Variants in ITGAV observed in about 807,000 individuals in gnomAD.
ITGAV encodes the protein integrin alpha-V.
Under a neutral mutation model 143.8 loss-of-function variants are expected in ITGAV, and 76 were observed. The ratio of observed to expected loss-of-function variants is 0.53; its 90% CI spans 0.44 to 0.64. The LOEUF is 0.64. Among genes scored for constraint, ITGAV ranks in the 30% least tolerant of loss-of-function variants. The pLI, the probability that ITGAV is intolerant of heterozygous loss-of-function variation, is 0.00. For synonymous variants in ITGAV, 453 were observed against 446.7 expected, an observed-to-expected ratio of 1.01 and a Z score of -0.18; for missense variants, 1,193 against 1,274.7, an observed-to-expected ratio of 0.94 and a Z score of 0.98.
At chr2:186,664,419 T>G (rs1688829820) in intron 19 of ITGAV, 75 bp from the exon 20 acceptor site, 1 of 1,408,742 alleles carries the variant, frequency 7.1e-7, no homozygotes, top group Non-Finnish European at 9.8e-7. Context: ...TATTTATCTC[T>G]TCTTTCTTTG....
At position 186,677,586 on chromosome 2, in the gene ITGAV, A is replaced by G. The variant is rs555009023; in HGVS notation, c.*294A>G. On this transcript the variant is annotated 3_prime_UTR_variant, in exon 30 of 30. Coordinates refer to ENST00000261023, the MANE Select transcript of ITGAV (RefSeq NM_002210.5). ...GGTAGTGCCTGATTTACTACTTTAT[A>G]TAAAATAGTACCTCCTTCAGTTACT... 8.8e-6 allele frequency: 2 copies of G among 227,546 alleles called. No individual in the cohort carries two copies. Among genetic ancestry groups the G allele is most frequent in the South Asian group, 8.4e-5 (1 of 11,910 alleles). The allele number at this position is 227,546 out of a possible 1,614,324, so 14.1% of individuals were successfully genotyped here.
At chr2:186,611,677 T>A (rs1687220744) in intron 2 of ITGAV, among the ~76,000 whole-genome samples, 1 of 152,214 alleles carries the variant, frequency 6.6e-6, no homozygotes, top group Non-Finnish European at 1.5e-5. Flanking sequence ...CTGATACTTA[T>A]TAACTGTGAC....
intron 18 of ITGAV, 75 bp from the exon 19 acceptor site, chr2:186,663,693 T>C: frequency 9.9e-7 from 1 of 1,005,872 alleles, no homozygotes; most frequent in Non-Finnish European, 1.6e-6. Flanking sequence ...CTTAACCACA[T>C]AGATATTGAT....
intron 28 of ITGAV, chr2:186,676,262 A>C (rs562041989): frequency 1.5e-5 from 3 of 206,578 alleles, no homozygotes; most frequent in Admixed American, 1.1e-4. Flanking sequence ...ATATTTAAGG[A>C]GTAAAAATGG....
At chr2:186,619,040 G>A (rs1370504495) in intron 2 of ITGAV, among the ~76,000 whole-genome samples, 1 of 150,566 alleles carries the variant, frequency 6.6e-6, no homozygotes, top group East Asian at 1.9e-4. Flanking sequence ...AAGAAAACAT[G>A]GTGTGTGTAT....
chr2:186,631,897 T>C (rs982985452), intron 5 of ITGAV, among the ~76,000 whole-genome samples: 1 of 152,052 alleles, frequency 6.6e-6, no homozygotes, highest in South Asian at 2.1e-4. Context: ...ATGGGTGACA[T>C]GTGCTTGTGG....
At chr2:186,595,938 T>C (rs1686738972) in intron 1 of ITGAV, among the ~76,000 whole-genome samples, 1 of 152,108 alleles carries the variant, frequency 6.6e-6, no homozygotes, top group South Asian at 2.1e-4. Flanking sequence ...TCTTCTTCAT[T>C]TGAGTTAATC....
At chr2:186,604,503 A>ATC (rs1687002877) in intron 2 of ITGAV, among the ~76,000 whole-genome samples, 1 of 152,224 alleles carries the variant, frequency 6.6e-6, no homozygotes, top group Admixed American at 6.5e-5. Flanking sequence ...ATGTGAATAT[A>ATC]TCTGTATGAT....
At chr2:186,673,079 T>A (rs552983949) in intron 26 of ITGAV, among the ~76,000 whole-genome samples, 1 of 152,364 alleles carries the variant, frequency 6.6e-6, no homozygotes, top group South Asian at 2.1e-4. Context: ...CTGATTCATT[T>A]TGGGTTAATT....
In ITGAV at chr2:186,668,838, C is replaced by G. The variant is rs1038572515; in HGVS notation, c.2510C>G (p.Thr837Ser). The G allele has an allele frequency of 3.1e-6, 5 of 1,612,576 alleles. No homozygotes were observed. In the African/African-American group the frequency reaches 5.3e-5, roughly 17 times the overall value. ...LQWPYKYNNN[T>S]LLYILHYDID... ...TGGCCTTACAAATATAATAATAACA[C>G]TCTGTTGTATATCCTTCATTATGAT... is the stretch of plus-strand genomic sequence containing the variant. The change falls in exon 25 of 30, where the codon ACT becomes AGT. Residue 837 changes from threonine (T) to serine (S), a missense_variant. Transcript: ENST00000261023.
chr2:186,605,910 C>T (rs1463358607), intron 2 of ITGAV, among the ~76,000 whole-genome samples: 3 of 63,632 alleles, frequency 4.7e-5, no homozygotes, highest in African/African-American at 1.3e-4. Context: ...TATCTTTTGT[C>T]CCTGTTTATG....
In ITGAV at chr2:186,646,857, T is replaced by C. The variant is rs757308379; in HGVS notation, c.1331T>C (p.Ile444Thr). The C allele has an allele frequency of 6.3e-6, 10 of 1,589,512 alleles. No homozygotes were observed. The highest frequency in any genetic ancestry group is 4.5e-5 in the East Asian group (2 of 44,306). The part of the protein sequence containing the change: ...FGYSMKGATD[I>T]DKNGYPDLIV... ...TATTCAATGAAAGGAGCCACAGATA[T>C]AGACAAAAATGGATATCCAGGTGCT... Residue 444 changes from isoleucine to threonine, a missense_variant, in exon 13 of 30, where the codon ATA becomes ACA. Transcript: ENST00000261023.
rs967702647 is a variant in ITGAV at position 186,590,093 on chromosome 2, C to T, written c.-246C>T. ...CAGACGCTGCGTGGAGCGGCGGAGCCGGAGGGAAGCAAAGGACCGTCTGCG... is the reference window on the plus strand; with the variant it reads ...CAGACGCTGCGTGGAGCGGCGGAGCTGGAGGGAAGCAAAGGACCGTCTGCG... On this transcript the variant is annotated 5_prime_UTR_variant, in exon 1 of 30. Transcript: ENST00000261023. 5 of 396,452 alleles carry T rather than the reference C, an allele frequency of 1.3e-5. No homozygotes were observed. Among genetic ancestry groups the T allele is most frequent in the African/African-American group, 8.4e-5 (4 of 47,446 alleles). 24.6% of individuals were successfully genotyped at this position (396,452 alleles called of 1,614,324 possible).
At chr2:186,628,634 A>G (rs527440756) in intron 4 of ITGAV, among the ~76,000 whole-genome samples, 2 of 152,250 alleles carry the variant, frequency 1.3e-5, no homozygotes, top group South Asian at 4.1e-4. Flanking sequence ...CACTATGTCA[A>G]ATCAACAATA....
rs1687862234 is a variant in ITGAV at position 186,633,224 on chromosome 2, G to A, written c.586-105G>A. On this transcript the variant is annotated intron_variant, in intron 5 of 29. Transcript: ENST00000261023. ...TAAAGATACAATACTGTATTGTTCA[G>A]TCATGTATACATATACATATATATC... is the stretch of plus-strand genomic sequence containing the variant. 7.2e-6 allele frequency: 4 copies of A among 556,296 alleles called. No homozygotes were observed. In the East Asian group the frequency reaches 1.3e-4, roughly 18 times the overall value. The allele number at this position is 556,296 out of a possible 1,614,324, so 34.5% of individuals were successfully genotyped here.
chr2:186,616,367 C>T (rs1376293487), intron 2 of ITGAV, among the ~76,000 whole-genome samples: 1 of 147,932 alleles, frequency 6.8e-6, no homozygotes. Context: ...CAAGCTCCGC[C>T]TCCCGGGTTC....
chr2:186,595,480 C>T (rs1267295909), intron 1 of ITGAV, among the ~76,000 whole-genome samples: 1 of 151,762 alleles, frequency 6.6e-6, no homozygotes, highest in Non-Finnish European at 1.5e-5. Context: ...TCTGATACCT[C>T]TCCCTCTGTA....
chr2:186,646,594 C>G, intron 12 of ITGAV, 92 bp from the exon 13 acceptor site: 1 of 833,748 alleles, frequency 1.2e-6, no homozygotes, highest in South Asian at 2.0e-5. Context: ...GCCCTCTTCC[C>G]CCCTTCTCTC....
intron 13 of ITGAV, among the ~76,000 whole-genome samples, chr2:186,647,486 G>A (rs779397735): frequency 1.3e-5 from 2 of 151,936 alleles, no homozygotes; most frequent in Non-Finnish European, 2.9e-5. Flanking sequence ...TCCAACTGCC[G>A]TGGCCTCCCA....
Sources: gnomAD v4.1 joint callset for allele counts (sites outside exome capture counted in the v4.1 genomes callset) on GRCh38, gnomAD v4.1.1 for gene constraint, MANE v1.5 for transcripts, NCBI Gene and HGNC (gene_info 2026-07-23, HGNC 2026-07-21) for gene names.